DRC11: variants seen among roughly 807,000 people sequenced by gnomAD.
The protein encoded by DRC11 is dynein regulatory complex subunit 11.
chr2:236,503,644 C>A, the DRC11 span: 1 of 1,550,882 alleles, frequency 6.4e-7, no homozygotes, highest in Non-Finnish European at 8.7e-7. This position sits in a 1 kb window ranked among gnomAD's most constrained non-coding sequence, Gnocchi z 4.9. Context: ...TTTTCCTCAG[C>A]GCTGAGAGAC....
the DRC11 span, among the ~76,000 whole-genome samples, chr2:236,383,989 T>G: frequency 6.6e-6 from 1 of 152,170 alleles, no homozygotes; most frequent in Non-Finnish European, 1.5e-5. Flanking sequence ...ACAAAGGACA[T>G]GAACTCATCA....
the DRC11 span, among the ~76,000 whole-genome samples, chr2:236,384,513 T>C: frequency 6.6e-6 from 1 of 152,228 alleles, no homozygotes; most frequent in Non-Finnish European, 1.5e-5. Context: ...GATGGGGTCT[T>C]TTTTTCTTGT....
the DRC11 span, among the ~76,000 whole-genome samples, chr2:236,424,258 G>A: frequency 6.6e-6 from 1 of 152,090 alleles, no homozygotes; most frequent in Non-Finnish European, 1.5e-5. Context: ...ATAATTATGA[G>A]CAGCTGAAAA....
the DRC11 span, among the ~76,000 whole-genome samples, chr2:236,357,387 ATAT>A: frequency 8.1e-3 from 869 of 107,328 alleles, 15 homozygotes; most frequent in African/African-American, 0.036. Context: ...TATAGTATAG[ATAT>A]TATATAGTAT....
At chr2:236,406,410 AG>A in the DRC11 span, among the ~76,000 whole-genome samples, 2 of 152,184 alleles carry the variant, frequency 1.3e-5, no homozygotes, top group Non-Finnish European at 2.9e-5. This position sits in a 1 kb window ranked among gnomAD's most constrained non-coding sequence, Gnocchi z 4.7. Context: ...TCACACTGGT[AG>A]GGCTGTGGAA....
chr2:236,347,387 A>G, the DRC11 span, among the ~76,000 whole-genome samples: 1 of 152,020 alleles, frequency 6.6e-6, no homozygotes, highest in Admixed American at 6.5e-5. Context: ...ACCCAGAGGA[A>G]AAGATACAAA....
the DRC11 span, among the ~76,000 whole-genome samples, chr2:236,442,804 T>C: frequency 6.6e-6 from 1 of 152,194 alleles, no homozygotes; most frequent in African/African-American, 2.4e-5. Context: ...CAAAATCATA[T>C]TTTTTTCTGG....
the DRC11 span, among the ~76,000 whole-genome samples, chr2:236,450,004 A>G: frequency 6.6e-6 from 1 of 152,238 alleles, no homozygotes; most frequent in Non-Finnish European, 1.5e-5. Flanking sequence ...CACCTGGATT[A>G]GCTTGGAGGC....
the DRC11 span, among the ~76,000 whole-genome samples, chr2:236,355,743 CTCTCTCTG>C: frequency 0.16 from 23,830 of 150,432 alleles, 2,022 homozygotes; most frequent in Non-Finnish European, 0.21. Flanking sequence ...CTCTCTCTCT[CTCTCTCTG>C]TGTGTGTGTG....
At chr2:236,495,462 C>T in the DRC11 span, among the ~76,000 whole-genome samples, 1 of 152,232 alleles carries the variant, frequency 6.6e-6, no homozygotes, top group Admixed American at 6.5e-5. This position sits in a 1 kb window ranked among gnomAD's most constrained non-coding sequence, Gnocchi z 5.6. Context: ...ATGTCCATCC[C>T]TGAAACCTTG....
chr2:236,386,578 G>A, the DRC11 span, among the ~76,000 whole-genome samples: 1,072 of 151,748 alleles, frequency 7.1e-3, 41 homozygotes, highest in East Asian at 0.12. Context: ...TCTTGCTAGC[G>A]GTCTATCAAT....
the DRC11 span, among the ~76,000 whole-genome samples, chr2:236,373,542 C>T: frequency 1.3e-5 from 2 of 152,158 alleles, no homozygotes; most frequent in South Asian, 2.1e-4. Context: ...TGAACCACCG[C>T]GCTTGACCTC....
At chr2:236,382,921 A>G in the DRC11 span, among the ~76,000 whole-genome samples, 1 of 152,204 alleles carries the variant, frequency 6.6e-6, no homozygotes, top group African/African-American at 2.4e-5. Flanking sequence ...AAAAATTACA[A>G]AAACAGTACA....
the DRC11 span, chr2:236,503,521 C>T: frequency 1.2e-4 from 133 of 1,099,184 alleles, no homozygotes; most frequent in Middle Eastern, 1.2e-3. The surrounding 1 kb of genome is among the most constrained non-coding windows in gnomAD (Gnocchi z 4.9). Context: ...TTCTTTCTTC[C>T]CCAACTGCAG....
the DRC11 span, among the ~76,000 whole-genome samples, chr2:236,445,090 C>T: frequency 6.6e-6 from 1 of 152,298 alleles, no homozygotes; most frequent in South Asian, 2.1e-4. The surrounding 1 kb of genome is among the most constrained non-coding windows in gnomAD (Gnocchi z 4.8). Flanking sequence ...GTCCCACTCA[C>T]GTTATTCCTT....
the DRC11 span, among the ~76,000 whole-genome samples, chr2:236,426,567 T>C: frequency 2.0e-5 from 3 of 152,184 alleles, no homozygotes; most frequent in African/African-American, 7.2e-5. The surrounding 1 kb of genome is among the most constrained non-coding windows in gnomAD (Gnocchi z 4.1). Flanking sequence ...CTTTTTCTTT[T>C]TCAAAATTTT....
chr2:236,481,625 GT>G, the DRC11 span, among the ~76,000 whole-genome samples: 1 of 151,718 alleles, frequency 6.6e-6, no homozygotes, highest in African/African-American at 2.4e-5. Flanking sequence ...TTAAATGTGT[GT>G]TTTTTTTCTA....
chr2:236,475,860 T>C, the DRC11 span, among the ~76,000 whole-genome samples: 1 of 152,208 alleles, frequency 6.6e-6, no homozygotes, highest in Non-Finnish European at 1.5e-5. The surrounding 1 kb of genome is among the most constrained non-coding windows in gnomAD (Gnocchi z 4.8). Flanking sequence ...TTGGAGTCTT[T>C]GTCGAAAATA....
chr2:236,389,386 C>A, the DRC11 span, among the ~76,000 whole-genome samples: 1 of 152,162 alleles, frequency 6.6e-6, no homozygotes, highest in Non-Finnish European at 1.5e-5. Context: ...TTAAGCCCGT[C>A]GGAAAAGCGC....
Sources: allele counts gnomAD v4.1 joint callset (sites outside exome capture counted in the v4.1 genomes callset), GRCh38; gene constraint gnomAD v4.1.1; non-coding constraint Gnocchi (gnomAD v3.1); transcripts MANE v1.5; gene names NCBI Gene and HGNC (gene_info 2026-07-23, HGNC 2026-07-21).